Variants in SLC26A11 observed in about 807,000 individuals in gnomAD.
The protein encoded by SLC26A11 is sodium-independent sulfate anion transporter.
Under a neutral mutation model 62.2 loss-of-function variants are expected in SLC26A11, and 58 were observed. The observed-to-expected ratio is 0.93, with a 90% CI of 0.76 to 1.16. SLC26A11 has a LOEUF of 1.16. Among genes scored for constraint, SLC26A11 ranks in the 50% most tolerant of loss-of-function variants. The probability of loss-of-function intolerance (pLI) is 0.00; values close to 1 mark genes in which losing one functional copy is unlikely to be tolerated. For missense variants in SLC26A11, 790 were observed against 794.3 expected (o/e 0.99, Z 0.06); for synonymous variants, 411 against 368.9 (o/e 1.11, Z -1.31).
At chr17:80,248,969 G>A (rs191962442) in intron 15 of SLC26A11, among the ~76,000 whole-genome samples, 185 bp from the exon 16 acceptor site, 53 of 152,300 alleles carry the variant, frequency 3.5e-4, no homozygotes, top group African/African-American at 1.2e-3. Context: ...AACAGCTGCT[G>A]CTGTCACCAA....
intron 6 of SLC26A11, 94 bp downstream of exon 6, chr17:80,226,010 C>A: frequency 8.5e-7 from 1 of 1,172,464 alleles, no homozygotes; most frequent in Non-Finnish European, 1.3e-6. Flanking sequence ...CCCCTGGTGA[C>A]TGCTCAAACA....
Position 80,245,280 on chromosome 17 carries a change from T to G in SLC26A11, c.1097+24T>G. ...CGGTGAGTGACCTGTCCGCCTCTTC[T>G]GTTTGCCCACGTTGGACGCCCTAAC... On this transcript the variant is annotated intron_variant, in intron 11 of 17. Transcript: ENST00000361193. 3.1e-6 allele frequency: 5 copies of G among 1,612,980 alleles called. No individual in the cohort carries two copies. In the South Asian group the frequency reaches 5.5e-5, roughly 18 times the overall value.
At chr17:80,224,444 A>C (rs7405852) in intron 5 of SLC26A11, among the ~76,000 whole-genome samples, 37,752 of 146,740 alleles carry the variant, frequency 0.26, 5,137 homozygotes, top group Admixed American at 0.43. Flanking sequence ...TGGGTGTGAG[A>C]GTGTGAGTGT....
Position 80,223,399 on chromosome 17 carries a change from C to A in SLC26A11, c.513+62C>A. The A allele has an allele frequency of 6.6e-7, 1 of 1,510,488 alleles. No individual in the cohort carries two copies. Among genetic ancestry groups the A allele is most frequent in the Non-Finnish European group, 9.1e-7 (1 of 1,093,342 alleles). 93.6% of individuals were successfully genotyped at this position (1,510,488 alleles called of 1,614,324 possible). ...CCACTGCTCGTTGGCACAGGGATGG[C>A]GGGAGCAGGACTGAGGCCAGTCCTG... On this transcript the variant is annotated intron_variant, in intron 5 of 17. Coordinates refer to ENST00000361193, the MANE Select transcript of SLC26A11 (RefSeq NM_001166347.2). The surrounding 1 kb of genome is among the most constrained non-coding windows in gnomAD (Gnocchi z 4.6).
chr17:80,236,499 T>C (rs1172308644), intron 7 of SLC26A11, among the ~76,000 whole-genome samples: 1 of 152,204 alleles, frequency 6.6e-6, no homozygotes, highest in African/African-American at 2.4e-5. Flanking sequence ...CCTGTGGCCG[T>C]CATGGCTGCT....
chr17:80,241,837 C>T lies in SLC26A11; in HGVS notation c.1036+16C>T, dbSNP rs767140884. ...CTGGCCATCGGTAAGACCCCAGCCG[C>T]GGGAAGGAAGACACCAGCTGTGGGC... On this transcript the variant is annotated intron_variant, in intron 10 of 17. Coordinates refer to ENST00000361193, the MANE Select transcript of SLC26A11 (RefSeq NM_001166347.2). The T allele has an allele frequency of 2.3e-5, 37 of 1,614,002 alleles. No homozygotes were observed. Among genetic ancestry groups the T allele is most frequent in the African/African-American group, 2.7e-5 (2 of 74,928 alleles).
In SLC26A11 at chr17:80,245,295, G is replaced by A. The variant is rs777832417; in HGVS notation, c.1097+39G>A. 2.5e-6 allele frequency: 4 copies of A among 1,607,292 alleles called. No individual in the cohort carries two copies. In the Admixed American group the frequency reaches 6.7e-5, roughly 27 times the overall value. On this transcript the variant is annotated intron_variant, in intron 11 of 17. Transcript: ENST00000361193. ...CCGCCTCTTCTGTTTGCCCACGTTG[G>A]ACGCCCTAACGTTGTTACGCTGACA... is the stretch of plus-strand genomic sequence containing the variant.
chr17:80,232,072 A>T (rs2042578887), intron 7 of SLC26A11, among the ~76,000 whole-genome samples: 1 of 152,006 alleles, frequency 6.6e-6, no homozygotes, highest in Non-Finnish European at 1.5e-5. Flanking sequence ...TTCCTTTCTT[A>T]CTTACCAGTT....
intron 6 of SLC26A11, 39 bp downstream of exon 6, chr17:80,225,955 C>T (rs759877142): frequency 1.9e-6 from 3 of 1,569,642 alleles, no homozygotes; most frequent in East Asian, 2.2e-5. Flanking sequence ...TAAGGAAGCT[C>T]CTTCTTCCAC....
rs141889989 is a variant in SLC26A11 at position 80,233,685 on chromosome 17, A to G, written c.737-3243A>G. ...AGCCTTGAACTCCTAGACCCAAGCA[A>G]TCCTCAGCCTCCTGAGTGGCTGGGA... is the stretch of plus-strand genomic sequence containing the variant. On this transcript the variant is annotated intron_variant, in intron 7 of 17. Coordinates refer to ENST00000361193, the MANE Select transcript of SLC26A11 (RefSeq NM_001166347.2). Among the ~76,000 whole-genome samples, 75 of 151,112 alleles carry G rather than the reference A, an allele frequency of 5.0e-4. 1 individual carries two copies. The highest frequency in any genetic ancestry group is 3.5e-3 in the Middle Eastern group (1 of 288).
intron 5 of SLC26A11, among the ~76,000 whole-genome samples, chr17:80,225,091 C>T (rs1049732621): frequency 1.3e-5 from 2 of 152,042 alleles, no homozygotes; most frequent in Admixed American, 6.6e-5. Context: ...ATCCCAGCTA[C>T]GTGGGAGGCC....
rs147201172 is a variant in SLC26A11 at position 80,237,586 on chromosome 17, A to G, written c.977A>G (p.Lys326Arg). Residue 326 changes from lysine to arginine, a missense_variant, in exon 9 of 18, where the codon AAA (lysine) becomes AGA (arginine). By Grantham distance (26) the Lys-to-Arg change is conservative. Transcript: ENST00000361193. Reference sequence around the variant, plus strand: ...CTCCTGGAGAGCATTGCGGTGGCCAAAGCCTTCGGTAAGACGCCTGTCACC... The same window carrying G: ...CTCCTGGAGAGCATTGCGGTGGCCAGAGCCTTCGGTAAGACGCCTGTCACC... ...MGLLESIAVA[K>R]AFASQNNYRI... is the part of the protein sequence containing the mutation. 5.6e-4 allele frequency: 898 copies of G among 1,611,178 alleles called. 9 individuals carry two copies. In the Admixed American group the frequency reaches 0.014, roughly 25 times the overall value.
chr17:80,245,348 C>G, intron 11 of SLC26A11, 92 bp downstream of exon 11: 1 of 1,307,692 alleles, frequency 7.6e-7, no homozygotes, highest in East Asian at 2.4e-5. Flanking sequence ...GACCCCGGCG[C>G]CCCGTCCTCC....
intron 9 of SLC26A11, among the ~76,000 whole-genome samples, chr17:80,239,945 T>C (rs533765548): frequency 6.6e-6 from 1 of 152,400 alleles, no homozygotes; most frequent in South Asian, 2.1e-4. Context: ...CTTGGGGATG[T>C]GCTGTCCGTG....
chr17:80,236,956 A>G lies in SLC26A11; in HGVS notation c.765A>G (p.Ala255=), dbSNP rs2144927235. Residue 255 remains alanine (A), a synonymous_variant, in exon 8 of 18, where the codon GCA becomes GCG. Coordinates refer to ENST00000361193, the MANE Select transcript of SLC26A11 (RefSeq NM_001166347.2). ...TARNALVVSF[A]ALVAYSFEVT... ...GCAACGCCCTGGTGGTCTCCTTCGC[A>G]GCCCTGGTTGCGTACTCCTTCGAGG... The G allele has an allele frequency of 6.2e-7, 1 of 1,613,600 alleles. No homozygotes were observed.
chr17:80,225,187 C>T (rs906087689), intron 5 of SLC26A11, among the ~76,000 whole-genome samples: 7 of 152,040 alleles, frequency 4.6e-5, no homozygotes, highest in South Asian at 4.2e-4. Flanking sequence ...AACCCCCCGC[C>T]GCTCTCTAAA....
intron 3 of SLC26A11, 103 bp downstream of exon 3, chr17:80,221,897 G>A: frequency 8.1e-7 from 1 of 1,233,590 alleles, no homozygotes; most frequent in Non-Finnish European, 1.1e-6. Flanking sequence ...CAGCCCCTGG[G>A]CCCCAAGGAA....
chr17:80,244,397 C>T (rs1250625640), intron 10 of SLC26A11, among the ~76,000 whole-genome samples: 2 of 152,198 alleles, frequency 1.3e-5, no homozygotes, highest in African/African-American at 2.4e-5. Context: ...GAACGGTGGG[C>T]AGCCACTGAC....
chr17:80,246,021 C>T lies in SLC26A11; in HGVS notation c.1098-133C>T. 1.9e-6 allele frequency: 2 copies of T among 1,077,830 alleles called. No individual in the cohort carries two copies. Among genetic ancestry groups the T allele is most frequent in the South Asian group, 2.6e-5 (2 of 77,688 alleles). 66.8% of individuals were successfully genotyped at this position (1,077,830 alleles called of 1,614,324 possible). A position where few individuals can be genotyped will look rare whatever the true frequency, so the allele number is the denominator to read the frequency against. ...CCCTAAGTCTCTTTGCCTCGGTCCC[C>T]TTGCAGTCCCCGCCTGCTTCCCAAG... On this transcript the variant is annotated intron_variant, in intron 11 of 17. Transcript: ENST00000361193. This position sits in a 1 kb window ranked among gnomAD's most constrained non-coding sequence, Gnocchi z 4.4.
Sources: gnomAD v4.1 joint callset for allele counts (sites outside exome capture counted in the v4.1 genomes callset) on GRCh38, gnomAD v4.1.1 for gene constraint, Gnocchi (gnomAD v3.1) non-coding constraint, MANE v1.5 for transcripts, NCBI Gene and HGNC (gene_info 2026-07-23, HGNC 2026-07-21) for gene names.